The following PCBP3 variants were observed in gnomAD, a reference collection of about 807,000 sequenced individuals.
PCBP3 encodes poly(rC) binding protein 3, also known as poly(rC)-binding protein 3.
Under a neutral mutation model 52.7 loss-of-function variants are expected in PCBP3, and 25 were observed. The observed-to-expected ratio is 0.47, with a 90% CI of 0.35 to 0.66. The LOEUF (loss-of-function observed/expected upper bound fraction) is 0.66. PCBP3 is among the 30% of genes least tolerant of loss of function. PCBP3 has a pLI of 0.01. For missense variants in PCBP3, 391 were observed against 490.3 expected (o/e 0.80, Z 1.91); for synonymous variants, 162 against 183.0 (o/e 0.89, Z 0.93).
In PCBP3 at chr21:45,821,172, C is replaced by T. The variant is rs1266139033; in HGVS notation, c.-125-28789C>T. On this transcript the variant is annotated intron_variant, in intron 4 of 17. Coordinates refer to ENST00000681687, the MANE Select transcript of PCBP3 (RefSeq NM_001384156.1). The surrounding 1 kb of genome is among the most constrained non-coding windows in gnomAD (Gnocchi z 4.4). ...CAACTCTTGACCTGCTCCCCCTTCCCGGTTCCCACTTTTTGCCTGGCAGGC... is the reference window on the plus strand; with the variant it reads ...CAACTCTTGACCTGCTCCCCCTTCCTGGTTCCCACTTTTTGCCTGGCAGGC... 1.3e-5 allele frequency among the ~76,000 whole-genome samples: 2 copies of T among 152,150 alleles called. No individual in the cohort carries two copies. The highest frequency in any genetic ancestry group is 2.4e-5 in the African/African-American group (1 of 41,422).
intron 5 of PCBP3, among the ~76,000 whole-genome samples, chr21:45,855,302 C>A (rs539552688): frequency 6.6e-6 from 1 of 152,276 alleles, no homozygotes. Flanking sequence ...CCAGCACAGA[C>A]GCAGGCTCCG....
At chr21:45,898,099 G>C (rs1003718597) in intron 6 of PCBP3, among the ~76,000 whole-genome samples, 1 of 152,186 alleles carries the variant, frequency 6.6e-6, no homozygotes, top group African/African-American at 2.4e-5. Context: ...TGGAGACAGA[G>C]GGACCTGCCT....
rs1364090547 is a variant in PCBP3 at position 45,735,598 on chromosome 21, C to T, written c.-162+169C>T. The stretch of plus-strand genomic sequence containing the variant: ...GGGGAACCTGCCTCAGGTCACACTA[C>T]TGCCAAGAGCATGTAGTGTGAGTGA... On this transcript the variant is annotated intron_variant, in intron 3 of 17. Transcript: ENST00000681687. This position sits in a 1 kb window ranked among gnomAD's most constrained non-coding sequence, Gnocchi z 4.0. Among the ~76,000 whole-genome samples, 3 of 152,228 alleles carry T rather than the reference C, an allele frequency of 2.0e-5. No individual in the cohort carries two copies. Among genetic ancestry groups the T allele is most frequent in the African/African-American group, 7.2e-5 (3 of 41,456 alleles).
At chr21:45,680,552 C>G (rs1288318017) in intron 2 of PCBP3, among the ~76,000 whole-genome samples, 1 of 152,064 alleles carries the variant, frequency 6.6e-6, no homozygotes, top group Non-Finnish European at 1.5e-5. Flanking sequence ...GTGTGTTTAT[C>G]TTTAGTTTTA....
chr21:45,921,377 T>G (rs1389241463), intron 13 of PCBP3, among the ~76,000 whole-genome samples: 1 of 152,238 alleles, frequency 6.6e-6, no homozygotes, highest in African/African-American at 2.4e-5. Flanking sequence ...TGTGGGCCCA[T>G]GAATAAGAAA....
intron 5 of PCBP3, among the ~76,000 whole-genome samples, chr21:45,869,726 GA>G (rs1165995895): frequency 6.6e-6 from 1 of 152,182 alleles, no homozygotes; most frequent in Non-Finnish European, 1.5e-5. Context: ...GGGGCCTGGG[GA>G]GTGTGACCCC....
chr21:45,707,232 C>A (rs977859482), intron 2 of PCBP3, among the ~76,000 whole-genome samples: 1 of 152,124 alleles, frequency 6.6e-6, no homozygotes, highest in African/African-American at 2.4e-5. Context: ...AATGCAGATT[C>A]TGGCTGGGTG....
intron 4 of PCBP3, among the ~76,000 whole-genome samples, chr21:45,792,055 C>G (rs2146398758): frequency 6.6e-6 from 1 of 152,404 alleles, no homozygotes; most frequent in East Asian, 1.9e-4. Flanking sequence ...GGCAAGCCGA[C>G]TGCAAGCCCA....
chr21:45,845,580 G>C (rs1005966483), intron 4 of PCBP3, among the ~76,000 whole-genome samples: 1 of 150,324 alleles, frequency 6.7e-6, no homozygotes, highest in East Asian at 2.0e-4. Flanking sequence ...GTGTGCACAC[G>C]TGTGAGTGTG....
At chr21:45,897,618 G>A (rs542150077) in intron 6 of PCBP3, among the ~76,000 whole-genome samples, 28 of 152,216 alleles carry the variant, frequency 1.8e-4, no homozygotes, top group African/African-American at 5.5e-4. Flanking sequence ...CCCAAGGCCC[G>A]ACGAGTCCCT....
At chr21:45,935,041 C>T (rs552327812) in intron 15 of PCBP3, among the ~76,000 whole-genome samples, 13 of 152,220 alleles carry the variant, frequency 8.5e-5, no homozygotes, top group Middle Eastern at 6.3e-3. Flanking sequence ...TTTCTCTTTC[C>T]TTCTTTTGAG....
chr21:45,679,031 A>G (rs2081647818), intron 2 of PCBP3, among the ~76,000 whole-genome samples: 1 of 148,416 alleles, frequency 6.7e-6, no homozygotes, highest in Non-Finnish European at 1.5e-5. Flanking sequence ...GCAAGACCCC[A>G]CCACTAAAAA....
rs1980980 is a variant in PCBP3 at position 45,931,069 on chromosome 21, G to A, written c.856+224G>A. ...GCAGGGCACCCCGGCCATGGGAGGC[G>A]GCCGTGGGAGCAGGAAATAGAGGTC... On this transcript the variant is annotated intron_variant, in intron 15 of 17. Coordinates refer to ENST00000681687, the MANE Select transcript of PCBP3 (RefSeq NM_001384156.1). Among the ~76,000 whole-genome samples the A allele has an allele frequency of 7.7e-3, 1,168 of 152,346 alleles. 17 individuals carry two copies. Among genetic ancestry groups the A allele is most frequent in the African/African-American group, 0.027 (1,111 of 41,570 alleles).
chr21:45,850,143 T>C (rs2093937587), intron 5 of PCBP3, 48 bp downstream of exon 5: 2 of 1,491,574 alleles, frequency 1.3e-6, no homozygotes, highest in Non-Finnish European at 1.8e-6. Context: ...ACCAAGAGTG[T>C]ATATAACAAA....
chr21:45,919,149 C>T (rs1283951489), intron 13 of PCBP3: 1 of 152,172 alleles, frequency 6.6e-6, no homozygotes, highest in Admixed American at 6.5e-5. Context: ...GACGGCCCCA[C>T]CGGAAGTGCT....
intron 4 of PCBP3, among the ~76,000 whole-genome samples, chr21:45,808,863 A>G (rs2092594995): frequency 6.6e-6 from 1 of 152,236 alleles, no homozygotes; most frequent in Non-Finnish European, 1.5e-5. Flanking sequence ...GCAGCCATAA[A>G]AAAGGATGAG....
intron 1 of PCBP3, among the ~76,000 whole-genome samples, chr21:45,667,979 C>T (rs1159088109): frequency 1.3e-5 from 2 of 152,180 alleles, no homozygotes; most frequent in East Asian, 1.9e-4. Context: ...ATTGGACAGA[C>T]GTTTCCTTAA....
At chr21:45,657,612 T>G (rs570772909) in intron 1 of PCBP3, among the ~76,000 whole-genome samples, 1 of 152,284 alleles carries the variant, frequency 6.6e-6, no homozygotes, top group East Asian at 1.9e-4. Flanking sequence ...TTTTATTTAT[T>G]TTGGTTATTC....
Position 45,785,259 on chromosome 21 carries a change from G to A in PCBP3, c.-126+29807G>A, listed in dbSNP as rs541028768. On this transcript the variant is annotated intron_variant, in intron 4 of 17. Transcript: ENST00000681687. ...CGTCTGGGAAGTGAGGAGCATCTCC[G>A]CCCGGCAGCCACCCCGTCCAGGAGG... is the stretch of plus-strand genomic sequence containing the variant. 2.1e-4 allele frequency among the ~76,000 whole-genome samples: 31 copies of A among 151,038 alleles called. 1 individual carries two copies. In the East Asian group the frequency reaches 4.9e-3, roughly 24 times the overall value.
Sources: gnomAD v4.1 joint callset for allele counts (sites outside exome capture counted in the v4.1 genomes callset) on GRCh38, gnomAD v4.1.1 for gene constraint, Gnocchi (gnomAD v3.1) non-coding constraint, MANE v1.5 for transcripts, NCBI Gene and HGNC (gene_info 2026-07-23, HGNC 2026-07-21) for gene names.